Variants in KLC2 observed in about 807,000 individuals in gnomAD.
KLC2 encodes the protein KLC 2.
KLC2 carries 35 observed loss-of-function variants against 75.1 expected under a neutral mutation model. The ratio of observed to expected loss-of-function variants is 0.47; its 90% CI spans 0.36 to 0.62. KLC2 has a LOEUF of 0.62. KLC2 is among the 20% of genes least tolerant of loss of function. KLC2 has a pLI of 0.00. For missense variants in KLC2, 611 were observed against 833.2 expected, an observed-to-expected ratio of 0.73 and a Z score of 3.28; for synonymous variants, 314 against 336.7, an observed-to-expected ratio of 0.93 and a Z score of 0.74.
At chr11:66,263,631 G>A (rs774706983) in intron 5 of KLC2, 29 bp from the exon 6 acceptor site, 7 of 1,534,208 alleles carry the variant, frequency 4.6e-6, no homozygotes, top group East Asian at 2.2e-5. Context: ...CTGGAGGACA[G>A]CCCTGACCAT....
In KLC2 at chr11:66,258,659, A is replaced by G; in HGVS notation, c.65A>G (p.Lys22Arg). 1 of 1,614,052 alleles carries G rather than the reference A, an allele frequency of 6.2e-7. No homozygotes were observed. Among genetic ancestry groups the G allele is most frequent in the Non-Finnish European group, 8.5e-7 (1 of 1,180,000 alleles). Residue 22 changes from lysine to arginine, a missense_variant, in exon 2 of 16, where the codon AAG becomes AGG. Coordinates refer to ENST00000394067, the MANE Select transcript of KLC2 (RefSeq NM_001318734.2). ...LSQDEIVLGT[K>R]AVIQGLETLR... ...CAGGATGAGATCGTGCTGGGCACCA[A>G]GGCTGTCATCCAGGGACTGGAGACT...
At chr11:66,265,419 A>C in intron 11 of KLC2, 184 bp downstream of exon 11, 1 of 688,038 alleles carries the variant, frequency 1.5e-6, no homozygotes, top group South Asian at 1.9e-5. Flanking sequence ...TGGGTCTCCC[A>C]GCTTTTGGTC....
At position 66,267,761 on chromosome 11, in the gene KLC2, C is replaced by A; in HGVS notation, c.*805C>A. On this transcript the variant is annotated 3_prime_UTR_variant, in exon 16 of 16. Transcript: ENST00000394067. Reference sequence around the variant, plus strand: ...TGCAGCTTCTCGCGAGGGGCGGCGACGGTCCCCTGGTGGCAGGAGGGGCTC... The same window carrying A: ...TGCAGCTTCTCGCGAGGGGCGGCGAAGGTCCCCTGGTGGCAGGAGGGGCTC... 1 of 460,826 alleles carries A rather than the reference C, an allele frequency of 2.2e-6. No homozygotes were observed. The highest frequency in any genetic ancestry group is 3.8e-6 in the Non-Finnish European group (1 of 262,988). The allele number at this position is 460,826 out of a possible 1,614,324, so 28.5% of individuals were successfully genotyped here. A position where few individuals can be genotyped will look rare whatever the true frequency, so the allele number is the denominator to read the frequency against.
At chr11:66,266,804 C>G in intron 15 of KLC2, 69 bp from the exon 16 acceptor site, 1 of 1,521,122 alleles carries the variant, frequency 6.6e-7, no homozygotes, top group South Asian at 1.1e-5. Flanking sequence ...CAGGTCAGAC[C>G]CCTTCAGGCC....
At chr11:66,258,450 G>A in intron 1 of KLC2, 134 bp from the exon 2 acceptor site, 1 of 625,790 alleles carries the variant, frequency 1.6e-6, no homozygotes, top group Non-Finnish European at 2.8e-6. Context: ...CGGGCACGGT[G>A]CGGGCTGCCG....
rs778794864 is a variant in KLC2 at position 66,266,433 on chromosome 11, G to A, written c.1728G>A (p.Arg576=). 16 of 1,604,940 alleles carry A rather than the reference G, an allele frequency of 1.0e-5. No homozygotes were observed. Among genetic ancestry groups the A allele is most frequent in the Non-Finnish European group, 1.4e-5 (16 of 1,173,960 alleles). The change falls in exon 15 of 16, where the codon AGG becomes AGA. Residue 576 remains arginine, a splice_region_variant and synonymous_variant. Transcript: ENST00000394067. ...GGTPQEPPNP[R]MKRASSLNFL... ...ATCCCAGGCTGTCCTTTTCCCTCAG[G>A]ATGAAGCGGGCCAGTTCCCTCAACT...
intron 9 of KLC2, 194 bp downstream of exon 9, chr11:66,264,638 C>A (rs1384078130): frequency 5.0e-6 from 3 of 605,416 alleles, no homozygotes; most frequent in African/African-American, 1.8e-5. Flanking sequence ...CTCACGCAGC[C>A]CCCTTGGCCT....
intron 3 of KLC2, 32 bp downstream of exon 3, chr11:66,262,004 C>A (rs764910995): frequency 6.2e-7 from 1 of 1,600,016 alleles, no homozygotes. Flanking sequence ...TGTTGCCCAG[C>A]AAGGAGGCCT....
chr11:66,264,426 G>C lies in KLC2; in HGVS notation c.1198G>C (p.Glu400Gln). The change falls in exon 9 of 16, where the codon GAG (glutamate) becomes CAG (glutamine). Residue 400 changes from glutamate to glutamine, a missense_variant. By Grantham distance (29) the Glu-to-Gln change is conservative. Transcript: ENST00000394067. ...GATCCTCACCCGCGCTCATGAGAAA[G>C]AGTTTGGCTCTGTCAATGGTGAGTG... ...KEILTRAHEK[E>Q]FGSVNGDNKP... 1 of 1,613,240 alleles carries C rather than the reference G, an allele frequency of 6.2e-7. No individual in the cohort carries two copies. The highest frequency in any genetic ancestry group is 2.2e-5 in the East Asian group (1 of 44,878).
rs773999705 is a variant in KLC2, at chr11:66,266,984, C to T, written c.*28C>T. On this transcript the variant is annotated 3_prime_UTR_variant, in exon 16 of 16. Coordinates refer to ENST00000394067, the MANE Select transcript of KLC2 (RefSeq NM_001318734.2). ...CTGAAGGGGCAGCCAGTCACCAGAGCGCCCACCTGGCACACCCCCCTCACC... is the reference window on the plus strand; with the variant it reads ...CTGAAGGGGCAGCCAGTCACCAGAGTGCCCACCTGGCACACCCCCCTCACC... The T allele has an allele frequency of 3.7e-6, 6 of 1,609,114 alleles. No individual in the cohort carries two copies. Among genetic ancestry groups the T allele is most frequent in the Non-Finnish European group, 4.2e-6 (5 of 1,179,900 alleles).
At chr11:66,244,856 G>C in the KLC2 span, 1 of 152,176 alleles carries the variant, frequency 6.6e-6, no homozygotes, top group South Asian at 2.1e-4. Context: ...GGAAAGAAGC[G>C]TACTCCCATG....
At position 66,264,326 on chromosome 11, in the gene KLC2, C is replaced by G. The variant is rs200673669; in HGVS notation, c.1117-19C>G. On this transcript the variant is annotated intron_variant, in intron 8 of 15. Coordinates refer to ENST00000394067, the MANE Select transcript of KLC2 (RefSeq NM_001318734.2). ...TGGCTGCATGCATCCCGCTCACTCT[C>G]TGGGTCTCCCGCTTCCAGGCTTCCT... 2 of 1,604,048 alleles carry G rather than the reference C, an allele frequency of 1.2e-6. No individual in the cohort carries two copies. The highest frequency in any genetic ancestry group is 1.7e-5 in the Admixed American group (1 of 58,976).
At chr11:66,252,386 C>T (rs1308726129), upstream of KLC2, among the ~76,000 whole-genome samples, 1 of 152,154 alleles carries the variant, frequency 6.6e-6, no homozygotes, top group African/African-American at 2.4e-5. Context: ...CCCGGGTTCG[C>T]GCCATTCTCC....
chr11:66,248,194 T>C, the KLC2 span, among the ~76,000 whole-genome samples: 1 of 152,232 alleles, frequency 6.6e-6, no homozygotes, highest in Non-Finnish European at 1.5e-5. Flanking sequence ...TTTAGATTTA[T>C]GGAAAAGTTG....
intron 9 of KLC2, 122 bp from the exon 10 acceptor site, chr11:66,264,901 C>A: frequency 1.2e-6 from 1 of 845,018 alleles, no homozygotes. Flanking sequence ...GGGTCTTACT[C>A]TTGTTCATGC....
chr11:66,265,749 CG>C lies in KLC2; in HGVS notation c.1430del (p.Arg477LeufsTer16). The stretch of plus-strand genomic sequence containing the variant: ...GCACACACTAGAGGACTGTGCCAGC[CG>C]TAACCGCAAGCAGGTGGGGCTCCAT... Reference protein sequence around the residue: ...AAHTLEDCASRNRKQGLDPAS... With the variant: ...AAHTLEDCASXNRKQGLDPAS... On this transcript the variant is annotated frameshift_variant, in exon 12 of 16. Transcript: ENST00000394067. LOFTEE classifies it high-confidence loss of function. The C allele has an allele frequency of 6.2e-7, 1 of 1,613,700 alleles. No individual in the cohort carries two copies. The highest frequency in any genetic ancestry group is 8.5e-7 in the Non-Finnish European group (1 of 1,179,798).
chr11:66,266,195 C>T lies in KLC2; in HGVS notation c.1705C>T (p.Pro569Ser), dbSNP rs754639818. The change falls in exon 14 of 16, where the codon CCC becomes TCC. Residue 569 changes from proline (P) to serine (S), a missense_variant. Physicochemically the swap from Pro to Ser is moderately conservative, Grantham distance 74. Coordinates refer to ENST00000394067, the MANE Select transcript of KLC2 (RefSeq NM_001318734.2). ...MLVKKLQGGT[P>S]QEPPNPRMKR... ...GGTAAAGAAGCTGCAGGGGGGCACCCCCCAGGAGCCCCCTAACCCCAGGTG... is the reference window on the plus strand; with the variant it reads ...GGTAAAGAAGCTGCAGGGGGGCACCTCCCAGGAGCCCCCTAACCCCAGGTG... 4 of 1,608,066 alleles carry T rather than the reference C, an allele frequency of 2.5e-6. No individual in the cohort carries two copies. Among genetic ancestry groups the T allele is most frequent in the Middle Eastern group, 2.0e-4 (1 of 4,984 alleles).
Position 66,265,234 on chromosome 11 carries a change from A to G in KLC2, c.1333A>G (p.Ser445Gly). The G allele has an allele frequency of 7.8e-6, 7 of 900,102 alleles. No individual in the cohort carries two copies. Among genetic ancestry groups the G allele is most frequent in the Non-Finnish European group, 1.2e-5 (7 of 584,272 alleles). 55.8% of individuals were successfully genotyped at this position (900,102 alleles called of 1,614,324 possible). A position where few individuals can be genotyped will look rare whatever the true frequency, so the allele number is the denominator to read the frequency against. Residue 445 changes from serine to glycine, a missense_variant and splice_region_variant, in exon 11 of 16, where the codon AGC becomes GGC. By Grantham distance (56) the Ser-to-Gly change is moderately conservative. Coordinates refer to ENST00000394067, the MANE Select transcript of KLC2 (RefSeq NM_001318734.2). ...GSWYKACKVDSPTVNTTLRSL... is the reference protein window; with the variant it reads ...GSWYKACKVDGPTVNTTLRSL... The stretch of plus-strand genomic sequence containing the variant: ...CTGGTACAAGGCCTGTAAAGTAGAC[A>G]GGTGAGTGGGGCGGGGCTGGGCTGG...
At chr11:66,251,645 G>C in the KLC2 span, among the ~76,000 whole-genome samples, 1 of 151,960 alleles carries the variant, frequency 6.6e-6, no homozygotes, top group Admixed American at 6.6e-5. Context: ...GGTGGCGCAT[G>C]CCTGTAATCC....
Sources: allele counts gnomAD v4.1 joint callset (sites outside exome capture counted in the v4.1 genomes callset), GRCh38; gene constraint gnomAD v4.1.1; transcripts MANE v1.5; gene names NCBI Gene and HGNC (gene_info 2026-07-23, HGNC 2026-07-21).